VAMP5: variants seen among roughly 807,000 people sequenced by gnomAD.
The protein encoded by VAMP5 is vesicle associated membrane protein 5.
Under a neutral mutation model 8.1 loss-of-function variants are expected in VAMP5, and 10 were observed. The observed-to-expected ratio is 1.23, with a 90% CI of 0.76 to 2.09. VAMP5 has a LOEUF of 2.09. Among genes scored for constraint, VAMP5 ranks in the 30% most tolerant of loss-of-function variants. The pLI, the probability that VAMP5 is intolerant of heterozygous loss-of-function variation, is 0.00. For synonymous variants in VAMP5, 62 were observed against 60.6 expected (o/e 1.02, Z -0.11); for missense variants, 135 against 152.5 (o/e 0.89, Z 0.60).
chr2:85,585,583 G>A (rs1021111390), intron 1 of VAMP5, among the ~76,000 whole-genome samples: 2 of 152,252 alleles, frequency 1.3e-5, no homozygotes, highest in Non-Finnish European at 2.9e-5. Context: ...CAAGGGGTCA[G>A]GCAGGGGTAG....
Position 85,584,458 on chromosome 2 carries a change from C to T in VAMP5, c.-33C>T. Reference sequence around the variant, plus strand: ...TGCGGCCGCTCCGCAGGCAGAGAAGCCGGGAGCGGGCGAGGCGGCGGCGGC... The same window carrying T: ...TGCGGCCGCTCCGCAGGCAGAGAAGTCGGGAGCGGGCGAGGCGGCGGCGGC... On this transcript the variant is annotated 5_prime_UTR_variant, in exon 1 of 3. Transcript: ENST00000306384. The T allele has an allele frequency of 1.6e-6, 2 of 1,244,336 alleles. No homozygotes were observed. The highest frequency in any genetic ancestry group is 1.0e-6 in the Non-Finnish European group (1 of 994,980). 77.1% of individuals were successfully genotyped at this position (1,244,336 alleles called of 1,614,324 possible).
intron 2 of VAMP5, among the ~76,000 whole-genome samples, chr2:85,592,320 C>A (rs1672552761): frequency 6.6e-6 from 1 of 152,266 alleles, no homozygotes; most frequent in Non-Finnish European, 1.5e-5. Context: ...TGGTCTTGAA[C>A]TCCTGGATCC....
chr2:85,591,771 C>T lies in VAMP5; in HGVS notation c.50C>T (p.Thr17Met), dbSNP rs754193944. The T allele has an allele frequency of 3.0e-5, 48 of 1,613,956 alleles. No homozygotes were observed. The highest frequency in any genetic ancestry group is 1.1e-4 in the South Asian group (10 of 91,082). The change falls in exon 2 of 3, where the codon ACG becomes ATG. Residue 17 changes from threonine (T) to methionine (M), a missense_variant. Transcript: ENST00000306384. ...ERCQQQANEV[T>M]EIMRNNFGKV... ...TGCCAGCAGCAGGCGAACGAGGTGA[C>T]GGAAATTATGCGTAACAACTTCGGC...
intron 1 of VAMP5, 144 bp from the exon 2 acceptor site, chr2:85,591,581 C>T: frequency 7.9e-7 from 1 of 1,272,366 alleles, no homozygotes; most frequent in Non-Finnish European, 1.1e-6. Context: ...CTTCACTCCG[C>T]ACACATCATA....
intron 2 of VAMP5, 23 bp downstream of exon 2, chr2:85,591,885 G>T: frequency 6.2e-7 from 1 of 1,613,866 alleles, no homozygotes; most frequent in Middle Eastern, 1.7e-4. Context: ...GGGGAGCATG[G>T]AGGGGAGGGG....
chr2:85,585,474 G>A (rs1672448982), intron 1 of VAMP5, among the ~76,000 whole-genome samples: 1 of 152,226 alleles, frequency 6.6e-6, no homozygotes, highest in African/African-American at 2.4e-5. Context: ...AGAGGAAGTG[G>A]GGCAGGAAGG....
At chr2:85,588,533 G>C (rs924256466) in intron 1 of VAMP5, among the ~76,000 whole-genome samples, 13 of 152,026 alleles carry the variant, frequency 8.6e-5, no homozygotes, top group Non-Finnish European at 1.6e-4. Flanking sequence ...TCTCCCGCCT[G>C]GTGGCCATCT....
At position 85,593,022 on chromosome 2, in the gene VAMP5, C is replaced by A; in HGVS notation, c.216C>A (p.Cys72Ter). ...GGGAGAACATCCGTTACCGGATCTG[C>A]GTGGGGCTGGTGGTGGTTGGTGTCC... ...KCWENIRYRI[C>*]VGLVVVGVLL... The change falls in exon 3 of 3, where the codon TGC (cysteine) becomes TGA (stop). Residue 72 changes from cysteine to a stop codon, truncating the protein, a stop_gained. Transcript: ENST00000306384. LOFTEE classifies it low-confidence loss of function (END_TRUNC). The A allele has an allele frequency of 6.2e-7, 1 of 1,614,152 alleles. No individual in the cohort carries two copies. The highest frequency in any genetic ancestry group is 8.5e-7 in the Non-Finnish European group (1 of 1,180,024).
At chr2:85,586,580 A>AAAAC (rs77504879) in intron 1 of VAMP5, among the ~76,000 whole-genome samples, 20,939 of 151,612 alleles carry the variant, frequency 0.14, 1,647 homozygotes, top group Non-Finnish European at 0.19. Context: ...TCTCAGAACA[A>AAAAC]AAACAAACAA....
chr2:85,584,591 C>T, intron 1 of VAMP5, 98 bp downstream of exon 1: 1 of 1,217,178 alleles, frequency 8.2e-7, no homozygotes, highest in Non-Finnish European at 1.0e-6. Flanking sequence ...TGGGGCCTCC[C>T]CTGGGGCCCA....
At chr2:85,589,282 C>A (rs1025562999) in intron 1 of VAMP5, among the ~76,000 whole-genome samples, 5 of 152,218 alleles carry the variant, frequency 3.3e-5, no homozygotes, top group African/African-American at 1.2e-4. Flanking sequence ...CCAGCAGAGA[C>A]CTGTGTATAT....
chr2:85,585,434 G>A (rs1445583915), intron 1 of VAMP5, among the ~76,000 whole-genome samples: 2 of 152,234 alleles, frequency 1.3e-5, no homozygotes, highest in Non-Finnish European at 2.9e-5. Context: ...TGCCTGGATG[G>A]CCTTATCTCC....
chr2:85,587,573 C>T (rs545194061), intron 1 of VAMP5, among the ~76,000 whole-genome samples: 1 of 150,428 alleles, frequency 6.6e-6, no homozygotes, highest in African/African-American at 2.5e-5. Flanking sequence ...TTCTTGAGAT[C>T]TGACTGCTAA....
intron 1 of VAMP5, among the ~76,000 whole-genome samples, chr2:85,586,358 C>T (rs1454300684): frequency 3.9e-5 from 6 of 151,918 alleles, no homozygotes; most frequent in Non-Finnish European, 5.9e-5. Context: ...GGGCAGATCA[C>T]GAGTTCAACA....
chr2:85,587,740 G>A (rs2104045866), intron 1 of VAMP5, among the ~76,000 whole-genome samples: 1 of 152,302 alleles, frequency 6.6e-6, no homozygotes, highest in East Asian at 1.9e-4. Context: ...TACAGAAGAG[G>A]AAGTGGAGGT....
chr2:85,584,913 G>C (rs1159556821), intron 1 of VAMP5, among the ~76,000 whole-genome samples: 2 of 152,204 alleles, frequency 1.3e-5, no homozygotes, highest in Admixed American at 6.5e-5. Context: ...GGTTAAAGGA[G>C]CCACAGTGGC....
At chr2:85,591,383 G>A (rs1035276566) in intron 1 of VAMP5, among the ~76,000 whole-genome samples, 7 of 152,202 alleles carry the variant, frequency 4.6e-5, no homozygotes, top group African/African-American at 1.7e-4. Context: ...ACGCCATTCT[G>A]GAGCAGGTGA....
chr2:85,591,522 A>C, intron 1 of VAMP5: 2 of 680,654 alleles, frequency 2.9e-6, no homozygotes, highest in Non-Finnish European at 4.8e-6. Context: ...GTGCAAGGGG[A>C]GGAGCCTGTG....
At chr2:85,592,261 C>G (rs1672552013) in intron 2 of VAMP5, among the ~76,000 whole-genome samples, 8 of 152,106 alleles carry the variant, frequency 5.3e-5, no homozygotes, top group Admixed American at 5.2e-4. Context: ...CCATGCCTGT[C>G]TAATTTTTGA....
Sources: gnomAD v4.1 joint callset for allele counts (sites outside exome capture counted in the v4.1 genomes callset) on GRCh38, gnomAD v4.1.1 for gene constraint, MANE v1.5 for transcripts, NCBI Gene and HGNC (gene_info 2026-07-23, HGNC 2026-07-21) for gene names.